Variants in GRM8 observed in about 807,000 individuals in gnomAD.
GRM8 encodes metabotropic glutamate receptor 8.
In GRM8, 47 loss-of-function variants were observed where a neutral mutation model predicts 87.2. The ratio of observed to expected loss-of-function variants is 0.54; its 90% CI spans 0.43 to 0.69. The LOEUF (loss-of-function observed/expected upper bound fraction) is 0.69. Ranked by LOEUF, GRM8 falls within the 30% of genes least tolerant of loss-of-function variation. The pLI is 0.00. For synonymous variants in GRM8, 396 were observed against 404.5 expected (o/e 0.98, Z 0.25); for missense variants, 1,019 against 1,139.2 (o/e 0.89, Z 1.52).
Position 127,215,545 on chromosome 7 carries a change from G to T in GRM8, c.510+27150C>A, listed in dbSNP as rs1796475720. Among the ~76,000 whole-genome samples the T allele has an allele frequency of 2.0e-5, 3 of 152,158 alleles. No homozygotes were observed. The East Asian group carries it at 5.8e-4, about 29-fold the overall frequency. Reference sequence around the variant, plus strand: ...ATTAAAACTGAAGCTTTCAGTTTCTGTTATCTGCACACACTCCCAAGGCAG... The same window carrying T: ...ATTAAAACTGAAGCTTTCAGTTTCTTTTATCTGCACACACTCCCAAGGCAG... On this transcript the variant is annotated intron_variant, in intron 2 of 10. Coordinates refer to ENST00000339582, the MANE Select transcript of GRM8 (RefSeq NM_000845.3).
At position 127,243,501 on chromosome 7, in the gene GRM8, G is replaced by A. The variant is rs1798422719; in HGVS notation, c.-297C>T. On this transcript the variant is annotated 5_prime_UTR_variant, in exon 2 of 11. An upstream open reading frame in the 5' UTR gains an earlier in-frame stop. Coordinates refer to ENST00000339582, the MANE Select transcript of GRM8 (RefSeq NM_000845.3). The stretch of plus-strand genomic sequence containing the variant: ...AATTCATGTCCTTGAAATCAGCCTT[G>A]TAGCAGAATTATTCCTGGGAAGAGG... 2.7e-6 allele frequency: 1 copy of A among 364,628 alleles called. No homozygotes were observed. Among genetic ancestry groups the A allele is most frequent in the Non-Finnish European group, 4.9e-6 (1 of 203,728 alleles). 22.6% of individuals were successfully genotyped at this position (364,628 alleles called of 1,614,324 possible).
At chr7:126,772,272 C>T (rs113444753) in intron 6 of GRM8, among the ~76,000 whole-genome samples, 1,574 of 152,126 alleles carry the variant, frequency 0.01, 24 homozygotes, top group African/African-American at 0.036. Flanking sequence ...AGGCAAGTGA[C>T]GAGGAAATTT....
At chr7:126,548,947 GA>G (rs1277642559) in intron 8 of GRM8, among the ~76,000 whole-genome samples, 1 of 152,116 alleles carries the variant, frequency 6.6e-6, no homozygotes, top group East Asian at 1.9e-4. Context: ...GAAAAGTTAA[GA>G]AACCTAACTG....
intron 7 of GRM8, among the ~76,000 whole-genome samples, chr7:126,739,018 G>C (rs1033467536): frequency 6.6e-6 from 1 of 151,904 alleles, no homozygotes; most frequent in African/African-American, 2.4e-5. Context: ...GGAAATATTG[G>C]TACAGGGAGG....
intron 3 of GRM8, among the ~76,000 whole-genome samples, chr7:126,996,308 T>C (rs993160351): frequency 1.3e-5 from 2 of 152,052 alleles, no homozygotes; most frequent in Non-Finnish European, 2.9e-5. Flanking sequence ...CAGAATACTA[T>C]AACACTGTAA....
intron 9 of GRM8, among the ~76,000 whole-genome samples, chr7:126,528,218 G>GACA (rs962707267): frequency 5.9e-5 from 9 of 151,756 alleles, no homozygotes; most frequent in South Asian, 2.1e-4. Context: ...AAAAAACAAC[G>GACA]ACAACAACAA....
intron 1 of GRM8, among the ~76,000 whole-genome samples, chr7:127,246,999 C>A (rs1004259216): frequency 6.6e-6 from 1 of 152,226 alleles, no homozygotes; most frequent in Non-Finnish European, 1.5e-5. Context: ...CCCAGTGCTG[C>A]AGGGACTCAC....
chr7:126,998,699 C>CTTTTG (rs1159392013), intron 3 of GRM8, among the ~76,000 whole-genome samples: 1 of 151,188 alleles, frequency 6.6e-6, no homozygotes, highest in Non-Finnish European at 1.5e-5. Flanking sequence ...AAGGAATTAA[C>CTTTTG]TTAAAGAACT....
intron 9 of GRM8, among the ~76,000 whole-genome samples, chr7:126,464,410 T>C (rs1200441213): frequency 6.6e-6 from 1 of 151,632 alleles, no homozygotes; most frequent in African/African-American, 2.4e-5. Context: ...TTTTTTATGA[T>C]TTTTGAATCG....
At chr7:127,031,256 G>T (rs1817333167) in intron 3 of GRM8, among the ~76,000 whole-genome samples, 1 of 151,564 alleles carries the variant, frequency 6.6e-6, no homozygotes, top group Non-Finnish European at 1.5e-5. Flanking sequence ...TCTTCCTTTT[G>T]TTTTTTTCCC....
chr7:127,221,312 G>A (rs1009920117), intron 2 of GRM8, among the ~76,000 whole-genome samples: 4 of 152,136 alleles, frequency 2.6e-5, no homozygotes, highest in Admixed American at 2.0e-4. Flanking sequence ...TGGTACCACC[G>A]ATGAAGCCTG....
chr7:126,834,572 A>G (rs1163326564), intron 6 of GRM8, among the ~76,000 whole-genome samples: 1 of 152,242 alleles, frequency 6.6e-6, no homozygotes, highest in African/African-American at 2.4e-5. Flanking sequence ...AAACAATAAC[A>G]TTCAGAAAAA....
chr7:127,001,475 A>T (rs1813723193), intron 3 of GRM8, among the ~76,000 whole-genome samples: 1 of 151,732 alleles, frequency 6.6e-6, no homozygotes, highest in South Asian at 2.1e-4. Flanking sequence ...TTGAACAGAC[A>T]CTTCATAAAA....
At chr7:126,815,063 C>G (rs1403420377) in intron 6 of GRM8, among the ~76,000 whole-genome samples, 1 of 152,028 alleles carries the variant, frequency 6.6e-6, no homozygotes, top group African/African-American at 2.4e-5. Context: ...GACAATGGGC[C>G]AATTACTTGA....
At chr7:126,928,563 T>C (rs984487220) in intron 3 of GRM8, among the ~76,000 whole-genome samples, 2 of 151,760 alleles carry the variant, frequency 1.3e-5, no homozygotes, top group East Asian at 3.9e-4. Context: ...TACCAGACAC[T>C]TGGGGGGCTG....
intron 7 of GRM8, among the ~76,000 whole-genome samples, chr7:126,718,809 A>G (rs1030050934): frequency 2.0e-5 from 3 of 152,192 alleles, no homozygotes; most frequent in Non-Finnish European, 2.9e-5. Context: ...CATGATTATG[A>G]ACTCCTTAGA....
chr7:126,871,239 A>C (rs2130900923), intron 6 of GRM8, among the ~76,000 whole-genome samples: 1 of 152,314 alleles, frequency 6.6e-6, no homozygotes, highest in South Asian at 2.1e-4. Context: ...GTTCTCTATA[A>C]GCCTATGCCA....
At chr7:126,960,758 A>G (rs1809231497) in intron 3 of GRM8, among the ~76,000 whole-genome samples, 1 of 152,210 alleles carries the variant, frequency 6.6e-6, no homozygotes, top group Non-Finnish European at 1.5e-5. Context: ...TGTCATTTTG[A>G]AGCAGTTAAG....
intron 3 of GRM8, among the ~76,000 whole-genome samples, chr7:126,922,792 T>A (rs1410650870): frequency 6.6e-6 from 1 of 152,068 alleles, no homozygotes; most frequent in Non-Finnish European, 1.5e-5. Flanking sequence ...CTTGCTACTG[T>A]ACAGTGAGTT....
Sources: allele counts gnomAD v4.1 joint callset (sites outside exome capture counted in the v4.1 genomes callset), GRCh38; gene constraint gnomAD v4.1.1; transcripts MANE v1.5; gene names NCBI Gene and HGNC (gene_info 2026-07-23, HGNC 2026-07-21).